The following OSBPL10 variants were observed in gnomAD, a reference collection of about 807,000 sequenced individuals.
The protein encoded by OSBPL10 is oxysterol-binding protein-related protein 10.
In OSBPL10, 49 loss-of-function variants were observed where a neutral mutation model predicts 81.7. The observed-to-expected ratio is 0.60, with a 90% confidence interval of 0.48 to 0.76. The LOEUF is 0.76. OSBPL10 is among the 30% of genes least tolerant of loss of function. OSBPL10 has a pLI of 0.00. For missense variants in OSBPL10, 923 were observed against 987.8 expected, an observed-to-expected ratio of 0.93 and a Z score of 0.88; for synonymous variants, 419 against 383.6, an observed-to-expected ratio of 1.09 and a Z score of -1.08.
At chr3:31,971,282 G>C (rs892923450) in intron 1 of OSBPL10, among the ~76,000 whole-genome samples, 1 of 151,770 alleles carries the variant, frequency 6.6e-6, no homozygotes, top group African/African-American at 2.4e-5. Flanking sequence ...CTGGGATTAC[G>C]GGCGCATGCC....
At chr3:31,960,140 T>C (rs1698119110) in intron 1 of OSBPL10, 1 of 152,146 alleles carries the variant, frequency 6.6e-6, no homozygotes, top group Non-Finnish European at 1.5e-5. Context: ...AGAAATTACG[T>C]ACCGAAAAAC....
At chr3:31,850,031 G>A (rs1350936858) in intron 3 of OSBPL10, among the ~76,000 whole-genome samples, 1 of 152,172 alleles carries the variant, frequency 6.6e-6, no homozygotes, top group Admixed American at 6.5e-5. Context: ...TGGGTGTGGT[G>A]GTGCATTCCT....
At chr3:31,808,780 A>G (rs1699588297) in intron 4 of OSBPL10, among the ~76,000 whole-genome samples, 2 of 152,172 alleles carry the variant, frequency 1.3e-5, no homozygotes, top group African/African-American at 4.8e-5. Context: ...TAATCATTTG[A>G]TTTCTGTTCC....
intron 1 of OSBPL10, among the ~76,000 whole-genome samples, chr3:31,970,981 A>G (rs1698546638): frequency 6.6e-6 from 1 of 152,112 alleles, no homozygotes; most frequent in Non-Finnish European, 1.5e-5. Flanking sequence ...CTTCTCTTCA[A>G]CATTCTAGAA....
At chr3:31,961,222 G>A (rs72852994) in intron 1 of OSBPL10, among the ~76,000 whole-genome samples, 19,520 of 151,772 alleles carry the variant, frequency 0.13, 3,041 homozygotes, top group African/African-American at 0.37. Context: ...AAGCAAACAC[G>A]AGCCCTGTAC....
chr3:31,965,111 C>T (rs971848876), intron 1 of OSBPL10, among the ~76,000 whole-genome samples: 3 of 151,886 alleles, frequency 2.0e-5, no homozygotes, highest in South Asian at 4.2e-4. Context: ...GTAGGCCAGG[C>T]GGCCGGGGCG....
At chr3:32,077,210 A>G (rs150980045) in intron 1 of OSBPL10, among the ~76,000 whole-genome samples, 42 of 152,326 alleles carry the variant, frequency 2.8e-4, no homozygotes, top group African/African-American at 1.0e-3. Flanking sequence ...TAGAAGCAAG[A>G]TGGAATTGGT....
intron 4 of OSBPL10, among the ~76,000 whole-genome samples, chr3:31,786,635 C>A (rs1698866739): frequency 6.6e-6 from 1 of 152,096 alleles, no homozygotes; most frequent in African/African-American, 2.4e-5. Flanking sequence ...TCCAAAGAGC[C>A]CTACCTCTTA....
rs1695506632 is a variant in OSBPL10, at chr3:31,879,807, G to T, written c.305C>A (p.Ala102Asp). 6.2e-7 allele frequency: 1 copy of T among 1,613,874 alleles called. No homozygotes were observed. Among genetic ancestry groups the T allele is most frequent in the African/African-American group, 1.3e-5 (1 of 74,910 alleles). Residue 102 changes from alanine (A) to aspartate (D), a missense_variant, in exon 2 of 12, where the codon GCT becomes GAT. Ala to Asp is a moderately radical substitution (Grantham distance 126). Transcript: ENST00000396556. ...QNRYFVLDFE[A>D]GILQYFVNEQ... Reference sequence around the variant, plus strand: ...ATTCACAAAATACTGCAGGATGCCAGCCTCGAAATCCAGTACGAAGTACCT... The same window carrying T: ...ATTCACAAAATACTGCAGGATGCCATCCTCGAAATCCAGTACGAAGTACCT...
intron 1 of OSBPL10, among the ~76,000 whole-genome samples, chr3:31,881,682 AATTGAT>A (rs1176085047): frequency 1.3e-5 from 2 of 152,190 alleles, no homozygotes; most frequent in East Asian, 3.8e-4. Context: ...TTTTTCTTTC[AATTGAT>A]ATTATTTTTT....
At chr3:31,735,703 T>C (rs1697132780) in intron 5 of OSBPL10, among the ~76,000 whole-genome samples, 2 of 151,854 alleles carry the variant, frequency 1.3e-5, no homozygotes, top group African/African-American at 4.8e-5. Context: ...GGAAGTCTCC[T>C]GTGTAGATCC....
At chr3:31,757,376 G>A (rs1168271103) in intron 4 of OSBPL10, among the ~76,000 whole-genome samples, 1 of 152,156 alleles carries the variant, frequency 6.6e-6, no homozygotes, top group Admixed American at 6.6e-5. Flanking sequence ...GAGGCAGAAA[G>A]ATCACTTGAG....
At chr3:31,701,020 A>C (rs1218916654) in intron 7 of OSBPL10, among the ~76,000 whole-genome samples, 1 of 152,180 alleles carries the variant, frequency 6.6e-6, no homozygotes, top group Non-Finnish European at 1.5e-5. Flanking sequence ...GTCTCCCAGA[A>C]TATCAGACAC....
chr3:31,711,194 A>G (rs1014550172), intron 6 of OSBPL10: 2 of 152,242 alleles, frequency 1.3e-5, no homozygotes, highest in African/African-American at 4.8e-5. Flanking sequence ...GGCACTTAGC[A>G]AAGTGGATTT....
intron 1 of OSBPL10, among the ~76,000 whole-genome samples, chr3:31,886,372 A>C (rs1431799408): frequency 1.3e-5 from 2 of 152,060 alleles, no homozygotes; most frequent in Admixed American, 1.3e-4. Context: ...TCACTGCCAC[A>C]CAAGATGGTC....
intron 4 of OSBPL10, among the ~76,000 whole-genome samples, chr3:31,818,162 G>A (rs1662367730): frequency 6.6e-6 from 1 of 152,036 alleles, no homozygotes; most frequent in African/African-American, 2.4e-5. Context: ...TGCTTTTTAG[G>A]TGAGCTTAGT....
At chr3:32,008,236 T>A (rs1699223080) in intron 2 of OSBPL10, among the ~76,000 whole-genome samples, 1 of 150,684 alleles carries the variant, frequency 6.6e-6, no homozygotes, top group Non-Finnish European at 1.5e-5. Context: ...GCAGTGGCGC[T>A]CCACCTCCCA....
chr3:31,910,368 C>T (rs537674741), intron 1 of OSBPL10, among the ~76,000 whole-genome samples: 1 of 152,046 alleles, frequency 6.6e-6, no homozygotes, highest in East Asian at 2.0e-4. Context: ...GGCGCGGTGG[C>T]TCACGCCTGT....
chr3:31,743,048 T>G (rs1226462541), intron 5 of OSBPL10, among the ~76,000 whole-genome samples: 2,737 of 145,594 alleles, frequency 0.019, 108 homozygotes, highest in African/African-American at 0.065. Flanking sequence ...TTTTTTTTTT[T>G]TTTTTTTTTT....
Sources: allele counts gnomAD v4.1 joint callset (sites outside exome capture counted in the v4.1 genomes callset), GRCh38; gene constraint gnomAD v4.1.1; transcripts MANE v1.5; gene names NCBI Gene and HGNC (gene_info 2026-07-23, HGNC 2026-07-21).